ZSWIM6: variants seen among roughly 807,000 people sequenced by gnomAD.
ZSWIM6 encodes zinc finger SWIM domain-containing protein 6.
Under a neutral mutation model 113.2 loss-of-function variants are expected in ZSWIM6, and 9 were observed. The ratio of observed to expected loss-of-function variants is 0.08; its 90% CI spans 0.05 to 0.14. The LOEUF (loss-of-function observed/expected upper bound fraction) is 0.14. Ranked by LOEUF, ZSWIM6 falls within the 10% of genes least tolerant of loss-of-function variation. The pLI is 1.00. For missense variants in ZSWIM6, 1,162 were observed against 1,552.2 expected, an observed-to-expected ratio of 0.75 and a Z score of 4.22; for synonymous variants, 611 against 606.5, an observed-to-expected ratio of 1.01 and a Z score of -0.11.
chr5:61,373,824 T>G (rs181805788), intron 1 of ZSWIM6, among the ~76,000 whole-genome samples: 8 of 152,312 alleles, frequency 5.3e-5, no homozygotes, highest in Admixed American at 5.2e-4. Context: ...TTTTTTGATA[T>G]CTAAGATTTT....
At chr5:61,365,735 C>T (rs926673916) in intron 1 of ZSWIM6, among the ~76,000 whole-genome samples, 2 of 152,146 alleles carry the variant, frequency 1.3e-5, no homozygotes, top group African/African-American at 4.8e-5. Context: ...GAGTCAATTC[C>T]CTTTGCTGAC....
intron 2 of ZSWIM6, among the ~76,000 whole-genome samples, chr5:61,475,966 A>T (rs1177787021): frequency 6.6e-6 from 1 of 152,012 alleles, no homozygotes; most frequent in Non-Finnish European, 1.5e-5. Flanking sequence ...TATTGGGAGG[A>T]TTTAATTTTT....
intron 1 of ZSWIM6, among the ~76,000 whole-genome samples, chr5:61,381,355 A>G (rs1275778908): frequency 6.6e-6 from 1 of 152,254 alleles, no homozygotes; most frequent in Non-Finnish European, 1.5e-5. Flanking sequence ...TGTTCCTTGT[A>G]GTATGTAATA....
intron 1 of ZSWIM6, among the ~76,000 whole-genome samples, chr5:61,465,589 T>TTGTAAGAAAATGG (rs1392928144): frequency 6.6e-6 from 1 of 152,190 alleles, no homozygotes. Flanking sequence ...ACTTGGATTC[T>TTGTAAGAAAATGG]TGTAAGAAAA....
chr5:61,530,124 G>A lies in ZSWIM6; in HGVS notation c.1910G>A (p.Gly637Asp). 1.3e-6 allele frequency: 2 copies of A among 1,551,700 alleles called. No individual in the cohort carries two copies. ...GWVGHPLDPV[G>D]TLFSSLMEAC... Reference sequence around the variant, plus strand: ...GTTGGACATCCCCTGGACCCTGTGGGCACTCTCTTCAGTAGCCTTATGGAA... The same window carrying A: ...GTTGGACATCCCCTGGACCCTGTGGACACTCTCTTCAGTAGCCTTATGGAA... The change falls in exon 8 of 14, where the codon GGC (glycine) becomes GAC (aspartate). Residue 637 changes from glycine to aspartate, a missense_variant. By Grantham distance (94) the Gly-to-Asp change is moderately conservative. Transcript: ENST00000252744.
chr5:61,360,022 G>C (rs1745000428), intron 1 of ZSWIM6, among the ~76,000 whole-genome samples: 2 of 151,906 alleles, frequency 1.3e-5, no homozygotes. Context: ...GAGAGAGAGG[G>C]AGAATGTGTA....
intron 1 of ZSWIM6, among the ~76,000 whole-genome samples, chr5:61,401,366 A>G (rs1332656531): frequency 1.3e-5 from 2 of 152,190 alleles, no homozygotes; most frequent in Non-Finnish European, 2.9e-5. Flanking sequence ...CAGTTTAAGA[A>G]TATTCTGTTG....
intron 1 of ZSWIM6, among the ~76,000 whole-genome samples, chr5:61,344,115 G>A (rs1744604420): frequency 6.6e-6 from 1 of 152,102 alleles, no homozygotes; most frequent in African/African-American, 2.4e-5. Flanking sequence ...GGCTGGTCTG[G>A]AACTCTTGCC....
intron 1 of ZSWIM6, among the ~76,000 whole-genome samples, chr5:61,366,675 G>C (rs1450367006): frequency 6.6e-6 from 1 of 152,204 alleles, no homozygotes; most frequent in Non-Finnish European, 1.5e-5. Context: ...GCTCATGCCT[G>C]TAATCTCAGC....
intron 1 of ZSWIM6, among the ~76,000 whole-genome samples, chr5:61,356,697 AT>A (rs1283423679): frequency 7.4e-6 from 1 of 134,860 alleles, no homozygotes; most frequent in East Asian, 2.1e-4. Flanking sequence ...TAATATACAT[AT>A]TTTATATATA....
intron 1 of ZSWIM6, among the ~76,000 whole-genome samples, chr5:61,378,602 C>G (rs1357716144): frequency 6.6e-6 from 1 of 152,020 alleles, no homozygotes; most frequent in Non-Finnish European, 1.5e-5. Context: ...GTTGCCCAGC[C>G]TGGAGTGCAA....
chr5:61,459,763 T>A (rs1747285067), intron 1 of ZSWIM6, among the ~76,000 whole-genome samples: 1 of 152,184 alleles, frequency 6.6e-6, no homozygotes, highest in Non-Finnish European at 1.5e-5. Flanking sequence ...TTAGCAGTCT[T>A]TTTTGCATAT....
intron 1 of ZSWIM6, among the ~76,000 whole-genome samples, chr5:61,439,629 C>T (rs62368666): frequency 6.6e-6 from 1 of 152,006 alleles, no homozygotes; most frequent in Non-Finnish European, 1.5e-5. Flanking sequence ...TTTATTTGTT[C>T]TACTGTTGGT....
intron 1 of ZSWIM6, among the ~76,000 whole-genome samples, chr5:61,463,374 C>T (rs995641295): frequency 2.0e-5 from 3 of 152,096 alleles, no homozygotes; most frequent in African/African-American, 7.2e-5. Context: ...TATGTTTGCT[C>T]AAATATATCT....
chr5:61,335,571 G>A (rs576961664), intron 1 of ZSWIM6, among the ~76,000 whole-genome samples: 1 of 152,256 alleles, frequency 6.6e-6, no homozygotes, highest in South Asian at 2.1e-4. Flanking sequence ...GAGGTAGAAC[G>A]CTTTTGTTTG....
chr5:61,533,594 CTTG>C (rs1202710112), intron 9 of ZSWIM6, among the ~76,000 whole-genome samples: 1 of 152,132 alleles, frequency 6.6e-6, no homozygotes. Flanking sequence ...GAATGTTTTA[CTTG>C]TTGAGTGGTA....
chr5:61,360,375 A>G (rs1437897628), intron 1 of ZSWIM6, among the ~76,000 whole-genome samples: 4 of 152,226 alleles, frequency 2.6e-5, no homozygotes, highest in African/African-American at 9.6e-5. Context: ...GCGGAGAAGA[A>G]TTGAGAACCA....
chr5:61,532,146 A>G (rs2112278054), intron 9 of ZSWIM6, among the ~76,000 whole-genome samples: 1 of 152,322 alleles, frequency 6.6e-6, no homozygotes, highest in South Asian at 2.1e-4. Context: ...TGGCGGTTAC[A>G]TGACACCTGG....
intron 1 of ZSWIM6, among the ~76,000 whole-genome samples, chr5:61,426,830 A>G (rs1337423572): frequency 7.0e-6 from 1 of 142,246 alleles, no homozygotes; most frequent in Non-Finnish European, 1.5e-5. Flanking sequence ...TTTTTTTCTC[A>G]TGATTAAATT....
Sources: allele counts gnomAD v4.1 joint callset (sites outside exome capture counted in the v4.1 genomes callset), GRCh38; gene constraint gnomAD v4.1.1; transcripts MANE v1.5; gene names NCBI Gene and HGNC (gene_info 2026-07-23, HGNC 2026-07-21).